The following GNPDA2 variants were observed in gnomAD, a reference collection of about 807,000 sequenced individuals.
The protein encoded by GNPDA2 is glucosamine-6-phosphate deaminase 2.
GNPDA2 carries 24 observed loss-of-function variants against 27.0 expected under a neutral mutation model. The observed-to-expected ratio is 0.89, with a 90% confidence interval of 0.64 to 1.25. The LOEUF (loss-of-function observed/expected upper bound fraction) is 1.25, where lower values mean the gene tolerates loss of function less well. Among genes scored for constraint, GNPDA2 ranks in the 50% most tolerant of loss-of-function variants. The pLI, the probability that GNPDA2 is intolerant of heterozygous loss-of-function variation, is 0.00. For synonymous variants in GNPDA2, 94 were observed against 108.4 expected, an observed-to-expected ratio of 0.87 and a Z score of 0.83; for missense variants, 286 against 335.1, an observed-to-expected ratio of 0.85 and a Z score of 1.14.
chr4:44,711,828 T>TATATACAC (rs1553878842), intron 4 of GNPDA2, among the ~76,000 whole-genome samples: 18 of 148,390 alleles, frequency 1.2e-4, no homozygotes, highest in East Asian at 7.9e-4. Context: ...TATATATATA[T>TATATACAC]ACACATATAC....
chr4:44,708,484 C>T (rs920812041), intron 5 of GNPDA2, among the ~76,000 whole-genome samples: 7 of 150,824 alleles, frequency 4.6e-5, no homozygotes, highest in African/African-American at 1.7e-4. Context: ...TCTACTTAAA[C>T]ATAGGAACTG....
At position 44,707,895 on chromosome 4, in the gene GNPDA2, G is replaced by A; in HGVS notation, c.626C>T (p.Ala209Val). ...TTCTATTGCTTTGTACAGGGCAAATGCCTTGTGTGCCCCTGTTATAAGGAT... is the reference window on the plus strand; with the variant it reads ...TTCTATTGCTTTGTACAGGGCAAATACCTTGTGTGCCCCTGTTATAAGGAT... ...VMILITGAHK[A>V]FALYKAIEEG... Residue 209 changes from alanine to valine, a missense_variant, in exon 6 of 7, where the codon GCA (alanine) becomes GTA (valine). Coordinates refer to ENST00000295448, the MANE Select transcript of GNPDA2 (RefSeq NM_138335.3). 1 of 1,607,018 alleles carries A rather than the reference G, an allele frequency of 6.2e-7. No homozygotes were observed. The highest frequency in any genetic ancestry group is 8.5e-7 in the Non-Finnish European group (1 of 1,175,840).
intron 1 of GNPDA2, among the ~76,000 whole-genome samples, chr4:44,726,162 G>C (rs947708929): frequency 6.6e-6 from 1 of 152,316 alleles, no homozygotes; most frequent in East Asian, 1.9e-4. Context: ...GCAAAGGACA[G>C]CGAATGCAAA....
At chr4:44,716,919 T>C (rs902934491) in intron 4 of GNPDA2, among the ~76,000 whole-genome samples, 194 bp downstream of exon 4, 8 of 151,972 alleles carry the variant, frequency 5.3e-5, no homozygotes, top group South Asian at 2.1e-4. Flanking sequence ...AGCTGTCAAT[T>C]TGAAGATTAA....
chr4:44,716,359 G>C (rs1272245484), intron 4 of GNPDA2, among the ~76,000 whole-genome samples: 1 of 151,810 alleles, frequency 6.6e-6, no homozygotes, highest in Admixed American at 6.6e-5. Context: ...ATTTTTAGTT[G>C]AATATTAAAG....
intron 6 of GNPDA2, chr4:44,704,593 G>C (rs1716470759): frequency 6.5e-6 from 5 of 770,872 alleles, no homozygotes; most frequent in Non-Finnish European, 7.9e-6. Context: ...TAGATATTAA[G>C]TCAAATATTT....
At chr4:44,706,827 C>T (rs567920795) in intron 6 of GNPDA2, 20 of 151,910 alleles carry the variant, frequency 1.3e-4, no homozygotes, top group Non-Finnish European at 2.5e-4. Context: ...GTGTATTTTC[C>T]AATAGGCATT....
intron 5 of GNPDA2, 56 bp downstream of exon 5, chr4:44,710,896 CA>C: frequency 6.1e-6 from 8 of 1,320,714 alleles, no homozygotes; most frequent in Non-Finnish European, 8.2e-6. Context: ...ATAACTCCTC[CA>C]AAATATTAAT....
intron 4 of GNPDA2, chr4:44,714,453 C>G: frequency 1.0e-6 from 1 of 985,258 alleles, no homozygotes; most frequent in African/African-American, 1.7e-5. Context: ...GGAAAGGGAC[C>G]TCTGCTCTAA....
At chr4:44,722,443 A>G (rs1391676650) in intron 1 of GNPDA2, among the ~76,000 whole-genome samples, 1 of 152,186 alleles carries the variant, frequency 6.6e-6, no homozygotes, top group Non-Finnish European at 1.5e-5. Flanking sequence ...TTGAGCAGAC[A>G]CTGAGTTTAA....
In GNPDA2 at chr4:44,705,360, A is replaced by C. The variant is rs1256906198; in HGVS notation, c.770-2218T>G. 2.5e-5 allele frequency: 25 copies of C among 984,976 alleles called. No individual in the cohort carries two copies. In the South Asian group the frequency reaches 7.0e-4, roughly 28 times the overall value. The allele number at this position is 984,976 out of a possible 1,614,324, so 61.0% of individuals were successfully genotyped here. A position where few individuals can be genotyped will look rare whatever the true frequency, so the allele number is the denominator to read the frequency against. ...GCCCATATGTAGCCCAGAATGTCTA[A>C]ATTCTGTCTTCATATTGAAGGAGGT... On this transcript the variant is annotated intron_variant, in intron 6 of 6. Transcript: ENST00000295448.
At chr4:44,711,456 G>A (rs916010060) in intron 4 of GNPDA2, among the ~76,000 whole-genome samples, 10 of 152,124 alleles carry the variant, frequency 6.6e-5, no homozygotes, top group Admixed American at 1.3e-4. Flanking sequence ...TTATGAGATG[G>A]CCAGATTAGC....
At chr4:44,721,967 C>T in intron 2 of GNPDA2, 117 bp downstream of exon 2, 1 of 749,494 alleles carries the variant, frequency 1.3e-6, no homozygotes. Flanking sequence ...CTATGATGTT[C>T]AATTAGTGAC....
intron 4 of GNPDA2, among the ~76,000 whole-genome samples, chr4:44,711,745 G>GTT (rs1421940948): frequency 7.0e-6 from 1 of 141,932 alleles, no homozygotes; most frequent in Non-Finnish European, 1.5e-5. Context: ...TAGGGCAACA[G>GTT]TTTTTTTTTT....
chr4:44,702,753 A>G lies in GNPDA2; in HGVS notation c.*328T>C, dbSNP rs1716354111. On this transcript the variant is annotated 3_prime_UTR_variant, in exon 7 of 7. Coordinates refer to ENST00000295448, the MANE Select transcript of GNPDA2 (RefSeq NM_138335.3). The stretch of plus-strand genomic sequence containing the variant: ...AAATGAAATATACGCCACTGGAGTC[A>G]TATCACAAATGGTGCCTGATGTGGA... 1.8e-6 allele frequency: 2 copies of G among 1,122,230 alleles called. No homozygotes were observed. Among genetic ancestry groups the G allele is most frequent in the Non-Finnish European group, 2.2e-6 (2 of 919,956 alleles). The allele number at this position is 1,122,230 out of a possible 1,614,324, so 69.5% of individuals were successfully genotyped here.
intron 3 of GNPDA2, 106 bp from the exon 4 acceptor site, chr4:44,717,401 C>A: frequency 1.7e-6 from 1 of 579,692 alleles, no homozygotes; most frequent in Non-Finnish European, 2.9e-6. Flanking sequence ...TTCTCTATAC[C>A]ATATTCAATT....
At chr4:44,718,182 A>G (rs939697455) in intron 3 of GNPDA2, 127 bp downstream of exon 3, 1 of 424,850 alleles carries the variant, frequency 2.4e-6, no homozygotes. Context: ...CATTTTAGAA[A>G]TATATTCATA....
intron 6 of GNPDA2, chr4:44,703,431 G>T: frequency 8.8e-7 from 1 of 1,131,738 alleles, no homozygotes; most frequent in Non-Finnish European, 1.1e-6. Context: ...GATTAAGCAT[G>T]ACAAATTTGA....
In GNPDA2 at chr4:44,702,848, C is replaced by T. The variant is rs1329219633; in HGVS notation, c.*233G>A. ...TGCTGTTTTATAGGTGGCTATGTGA[C>T]TTCAGTACTTTATAATAAATAGCCA... is the stretch of plus-strand genomic sequence containing the variant. On this transcript the variant is annotated 3_prime_UTR_variant, in exon 7 of 7. Coordinates refer to ENST00000295448, the MANE Select transcript of GNPDA2 (RefSeq NM_138335.3). 11 of 1,362,916 alleles carry T rather than the reference C, an allele frequency of 8.1e-6. No individual in the cohort carries two copies. The highest frequency in any genetic ancestry group is 9.4e-6 in the Non-Finnish European group (10 of 1,064,314). 84.4% of individuals were successfully genotyped at this position (1,362,916 alleles called of 1,614,324 possible). A position where few individuals can be genotyped will look rare whatever the true frequency, so the allele number is the denominator to read the frequency against.
Sources: allele counts gnomAD v4.1 joint callset (sites outside exome capture counted in the v4.1 genomes callset), GRCh38; gene constraint gnomAD v4.1.1; transcripts MANE v1.5; gene names NCBI Gene and HGNC (gene_info 2026-07-23, HGNC 2026-07-21).